The following TSPAN14 variants were observed in gnomAD, a reference collection of about 807,000 sequenced individuals.
TSPAN14 encodes the protein tetraspanin 14, also known as tetraspanin-14.
TSPAN14 carries 16 observed loss-of-function variants against 36.6 expected under a neutral mutation model. The observed-to-expected ratio is 0.44, with a 90% CI of 0.30 to 0.66. The LOEUF (loss-of-function observed/expected upper bound fraction) is 0.66, where lower values mean the gene tolerates loss of function less well. TSPAN14 is among the 30% of genes least tolerant of loss of function. The pLI is 0.12. For synonymous variants in TSPAN14, 139 were observed against 143.8 expected (o/e 0.97, Z 0.24); for missense variants, 231 against 355.1 (o/e 0.65, Z 2.81).
At chr10:80,511,096 A>G (rs140720379) in intron 5 of TSPAN14, among the ~76,000 whole-genome samples, 61 of 152,314 alleles carry the variant, frequency 4.0e-4, no homozygotes, top group African/African-American at 1.4e-3. Context: ...TGCCATAACC[A>G]TGTCAGCTGT....
At chr10:80,470,250 A>T (rs991263956) in intron 1 of TSPAN14, among the ~76,000 whole-genome samples, 2 of 152,062 alleles carry the variant, frequency 1.3e-5, no homozygotes, top group African/African-American at 4.8e-5. Context: ...CAGGCCTGCT[A>T]ATTTTTCTAT....
intron 1 of TSPAN14, among the ~76,000 whole-genome samples, chr10:80,460,645 T>C (rs1193559372): frequency 1.3e-5 from 2 of 152,156 alleles, no homozygotes; most frequent in Non-Finnish European, 2.9e-5. Context: ...AGTGTCACTC[T>C]CTTTTTTTCC....
At chr10:80,488,918 T>G (rs1847771784) in intron 1 of TSPAN14, among the ~76,000 whole-genome samples, 1 of 152,160 alleles carries the variant, frequency 6.6e-6, no homozygotes, top group South Asian at 2.1e-4. Flanking sequence ...AATCGAGAGG[T>G]GATGAGATCA....
chr10:80,462,370 G>A (rs776700732), intron 1 of TSPAN14, among the ~76,000 whole-genome samples: 30 of 150,180 alleles, frequency 2.0e-4, no homozygotes, highest in Non-Finnish European at 5.9e-5. Flanking sequence ...GGGATGGGAT[G>A]GGGTGGGGTG....
At chr10:80,508,727 C>G (rs973796754) in intron 4 of TSPAN14, among the ~76,000 whole-genome samples, 1 of 152,146 alleles carries the variant, frequency 6.6e-6, no homozygotes, top group African/African-American at 2.4e-5. Flanking sequence ...ACTCACATGT[C>G]CTGCATGAAC....
intron 1 of TSPAN14, among the ~76,000 whole-genome samples, chr10:80,463,793 C>T (rs533759191): frequency 2.0e-5 from 3 of 152,318 alleles, no homozygotes; most frequent in East Asian, 3.9e-4. Context: ...GCTTTGATTC[C>T]GAAAGGGGGA....
At chr10:80,495,754 T>C (rs1449222138) in intron 2 of TSPAN14, among the ~76,000 whole-genome samples, 1 of 152,242 alleles carries the variant, frequency 6.6e-6, no homozygotes, top group African/African-American at 2.4e-5. Context: ...GAAATCCTTT[T>C]TATAATGATC....
At chr10:80,481,022 T>G (rs1277572425) in intron 1 of TSPAN14, among the ~76,000 whole-genome samples, 3 of 152,058 alleles carry the variant, frequency 2.0e-5, no homozygotes, top group Admixed American at 6.6e-5. Context: ...GGAGAATCTC[T>G]GGAACCCGGA....
intron 1 of TSPAN14, among the ~76,000 whole-genome samples, chr10:80,464,702 T>TCTGGGC (rs1846149042): frequency 1.3e-5 from 2 of 152,212 alleles, no homozygotes; most frequent in South Asian, 4.1e-4. Flanking sequence ...CAGCTCATTG[T>TCTGGGC]CTGGGCCTGG....
intron 1 of TSPAN14, among the ~76,000 whole-genome samples, chr10:80,476,703 G>A (rs1025570373): frequency 6.6e-6 from 1 of 151,860 alleles, no homozygotes; most frequent in Non-Finnish European, 1.5e-5. Context: ...GAGTTTTACT[G>A]TATTTTTTAC....
rs74143162 is a variant in TSPAN14 at position 80,516,439 on chromosome 10, A to T, written c.741+116A>T. On this transcript the variant is annotated intron_variant, in intron 8 of 8. Transcript: ENST00000429989. ...ATGGTATTAAGGAAGCTTGCAGAAG[A>T]AAAAAAGGGATTCAACTGGATGTCC... 8.2e-3 allele frequency: 11,777 copies of T among 1,435,888 alleles called. 783 individuals are homozygous for T. The African/African-American group carries it at 0.14, about 18-fold the overall frequency. 88.9% of individuals were successfully genotyped at this position (1,435,888 alleles called of 1,614,324 possible). A position where few individuals can be genotyped will look rare whatever the true frequency, so the allele number is the denominator to read the frequency against.
intron 7 of TSPAN14, among the ~76,000 whole-genome samples, chr10:80,515,092 A>G (rs1358741681): frequency 2.0e-5 from 3 of 152,228 alleles, no homozygotes; most frequent in Non-Finnish European, 2.9e-5. Context: ...AGTTGCCTGA[A>G]TGGACTAAGA....
intron 2 of TSPAN14, among the ~76,000 whole-genome samples, chr10:80,496,228 C>G (rs1848189728): frequency 6.6e-6 from 1 of 151,978 alleles, no homozygotes; most frequent in Non-Finnish European, 1.5e-5. Flanking sequence ...GATTATTTTG[C>G]TTTTTCTTAG....
chr10:80,505,834 G>T (rs999214238), intron 3 of TSPAN14, among the ~76,000 whole-genome samples: 3 of 152,220 alleles, frequency 2.0e-5, no homozygotes, highest in African/African-American at 7.2e-5. Flanking sequence ...TGAATCTGTC[G>T]ATCTAAAATA....
chr10:80,497,018 T>C (rs1041508956), intron 2 of TSPAN14, among the ~76,000 whole-genome samples: 1 of 152,218 alleles, frequency 6.6e-6, no homozygotes, highest in Non-Finnish European at 1.5e-5. Context: ...ATATTAGTTA[T>C]AGTTTTTCTA....
chr10:80,470,528 A>G (rs943240276), intron 1 of TSPAN14, among the ~76,000 whole-genome samples: 2 of 152,272 alleles, frequency 1.3e-5, no homozygotes, highest in African/African-American at 4.8e-5. Flanking sequence ...TATGCCTTTC[A>G]GGCGTGGAAA....
At chr10:80,495,050 T>G (rs1407126012) in intron 2 of TSPAN14, among the ~76,000 whole-genome samples, 1 of 152,226 alleles carries the variant, frequency 6.6e-6, no homozygotes, top group Non-Finnish European at 1.5e-5. Context: ...ACATTCCAGG[T>G]TGCAACATTA....
At position 80,509,838 on chromosome 10, in the gene TSPAN14, C is replaced by T. The variant is rs910565654; in HGVS notation, c.450+367C>T. The T allele has an allele frequency of 8.1e-5, 16 of 198,314 alleles. No individual in the cohort carries two copies. Among genetic ancestry groups the T allele is most frequent in the African/African-American group, 3.5e-4 (15 of 43,062 alleles). 12.3% of individuals were successfully genotyped at this position (198,314 alleles called of 1,614,324 possible). ...TACCGTAAGGCACAGCTTCTTCCCC[C>T]CGGCTCATGACTCACCATCTGACGC... is the stretch of plus-strand genomic sequence containing the variant. On this transcript the variant is annotated intron_variant, in intron 5 of 8. Transcript: ENST00000429989. This position sits in a 1 kb window ranked among gnomAD's most constrained non-coding sequence, Gnocchi z 4.7.
At chr10:80,520,281 T>G in exon 9 of TSPAN14, 1 of 229,994 alleles carries the variant, frequency 4.3e-6, no homozygotes. Flanking sequence ...CAGAGTTGGG[T>G]TTATCTTTCA....
Sources: allele counts gnomAD v4.1 joint callset (sites outside exome capture counted in the v4.1 genomes callset), GRCh38; gene constraint gnomAD v4.1.1; non-coding constraint Gnocchi (gnomAD v3.1); transcripts MANE v1.5; gene names NCBI Gene and HGNC (gene_info 2026-07-23, HGNC 2026-07-21).